The following NAB1 variants were observed in gnomAD, a reference collection of about 807,000 sequenced individuals.
NAB1 encodes NGFI-A-binding protein 1.
A neutral mutation model predicts 49.9 loss-of-function variants in NAB1; 25 were observed. The observed-to-expected ratio is 0.50, with a 90% CI of 0.37 to 0.70. The LOEUF (loss-of-function observed/expected upper bound fraction) is 0.70, where lower values mean the gene tolerates loss of function less well. NAB1 is among the 30% of genes least tolerant of loss of function. The pLI, the probability that NAB1 is intolerant of heterozygous loss-of-function variation, is 0.00. For synonymous variants in NAB1, 198 were observed against 215.6 expected (o/e 0.92, Z 0.71); for missense variants, 489 against 575.9 (o/e 0.85, Z 1.54).
rs1695533213 is a variant in NAB1 at position 190,684,983 on chromosome 2, T to G, written c.1096-493T>G. ...CATAATTTACATTGTTTAATTTTAG[T>G]GGGAAGTGTATTTGTCTTGTTCTTC... On this transcript the variant is annotated intron_variant, in intron 7 of 9. Coordinates refer to ENST00000337386, the MANE Select transcript of NAB1 (RefSeq NM_005966.4). The surrounding 1 kb of genome is among the most constrained non-coding windows in gnomAD (Gnocchi z 4.6). Among the ~76,000 whole-genome samples, 1 of 152,216 alleles carries G rather than the reference T, an allele frequency of 6.6e-6. No homozygotes were observed. Among genetic ancestry groups the G allele is most frequent in the Non-Finnish European group, 1.5e-5 (1 of 68,034 alleles).
chr2:190,686,463 C>G lies in NAB1; in HGVS notation c.1259-738C>G, dbSNP rs1026425626. On this transcript the variant is annotated intron_variant, in intron 8 of 9. Transcript: ENST00000337386. This position sits in a 1 kb window ranked among gnomAD's most constrained non-coding sequence, Gnocchi z 5.5. ...TAAAAGGATTCCTAGGTAAGGATAC[C>G]ATCTTAACAAGGATTCTCCAGCCAT... Among the ~76,000 whole-genome samples, 1 of 151,990 alleles carries G rather than the reference C, an allele frequency of 6.6e-6. No homozygotes were observed. The highest frequency in any genetic ancestry group is 1.5e-5 in the Non-Finnish European group (1 of 68,002).
At position 190,679,538 on chromosome 2, in the gene NAB1, T is replaced by C. The variant is rs1275406521; in HGVS notation, c.1006-4200T>C. On this transcript the variant is annotated intron_variant, in intron 6 of 9. Transcript: ENST00000337386. This position sits in a 1 kb window ranked among gnomAD's most constrained non-coding sequence, Gnocchi z 5.3. The stretch of plus-strand genomic sequence containing the variant: ...TTTCAGTATTCTCATGGTTGAATAA[T>C]CCTGACTTTAGTGCCACCAGGTATT... Among the ~76,000 whole-genome samples, 1 of 152,228 alleles carries C rather than the reference T, an allele frequency of 6.6e-6. No individual in the cohort carries two copies. Among genetic ancestry groups the C allele is most frequent in the Non-Finnish European group, 1.5e-5 (1 of 68,040 alleles).
intron 6 of NAB1, among the ~76,000 whole-genome samples, chr2:190,681,851 T>G (rs958047411): frequency 2.6e-5 from 4 of 152,184 alleles, no homozygotes; most frequent in African/African-American, 9.7e-5. Flanking sequence ...GTAAAATATT[T>G]TGTTATTATT....
intron 4 of NAB1, among the ~76,000 whole-genome samples, chr2:190,662,517 C>T (rs1694278714): frequency 1.3e-5 from 2 of 151,634 alleles, no homozygotes; most frequent in South Asian, 2.1e-4. Context: ...TGCTGGTGTT[C>T]GGCAGGTGCC....
At chr2:190,665,584 T>A (rs957641053) in intron 4 of NAB1, among the ~76,000 whole-genome samples, 1 of 152,238 alleles carries the variant, frequency 6.6e-6, no homozygotes, top group African/African-American at 2.4e-5. Flanking sequence ...TTCATATTTC[T>A]TGGAACTTTA....
chr2:190,690,418 G>A lies in NAB1; in HGVS notation c.*85G>A, dbSNP rs1695897337. 4 of 1,065,328 alleles carry A rather than the reference G, an allele frequency of 3.8e-6. No homozygotes were observed. Among genetic ancestry groups the A allele is most frequent in the Admixed American group, 1.8e-5 (1 of 56,066 alleles). The allele number at this position is 1,065,328 out of a possible 1,614,324, so 66.0% of individuals were successfully genotyped here. On this transcript the variant is annotated 3_prime_UTR_variant, in exon 10 of 10. Transcript: ENST00000337386. The stretch of plus-strand genomic sequence containing the variant: ...ATAGAAATAAGCCTTAATAACCAGT[G>A]TTGCCTCATTCAGCTCAAACAGATT...
At chr2:190,662,815 G>T (rs924094487) in intron 4 of NAB1, among the ~76,000 whole-genome samples, 1 of 152,130 alleles carries the variant, frequency 6.6e-6, no homozygotes, top group Non-Finnish European at 1.5e-5. Context: ...AAGATAGGAA[G>T]GAGAAGAGGA....
chr2:190,659,403 T>C lies in NAB1; in HGVS notation c.227T>C (p.Val76Ala), dbSNP rs1177426227. 4 of 1,613,968 alleles carry C rather than the reference T, an allele frequency of 2.5e-6. No individual in the cohort carries two copies. The highest frequency in any genetic ancestry group is 3.4e-6 in the Non-Finnish European group (4 of 1,180,022). ...CTGCAGAAGGCTTTGAGAGACTGGG[T>C]CACAAACCCTGGGCTTTTCAATCAG... Reference protein sequence around the residue: ...RRLQKALRDWVTNPGLFNQPL... With the variant: ...RRLQKALRDWATNPGLFNQPL... The change falls in exon 4 of 10, where the codon GTC (valine) becomes GCC (alanine). Residue 76 changes from valine (V) to alanine (A), a missense_variant. Val to Ala is a moderately conservative substitution (Grantham distance 64). Around this residue, in one of 4 missense-constraint regions of NAB1, gnomAD observed 204 missense variants for 220.9 expected, o/e 0.92. Coordinates refer to ENST00000337386, the MANE Select transcript of NAB1 (RefSeq NM_005966.4). The surrounding 1 kb of genome is among the most constrained non-coding windows in gnomAD (Gnocchi z 6.2).
chr2:190,683,297 ATTTT>A (rs767640681), intron 6 of NAB1, among the ~76,000 whole-genome samples: 14 of 76,132 alleles, frequency 1.8e-4, no homozygotes, highest in Admixed American at 1.1e-3. Flanking sequence ...CTCCCAGCTA[ATTTT>A]TTTTTTTTTT....
Position 190,689,844 on chromosome 2 carries a change from A to G in NAB1, c.1376-401A>G, listed in dbSNP as rs1383652932. Among the ~76,000 whole-genome samples the G allele has an allele frequency of 1.3e-5, 2 of 151,850 alleles. No homozygotes were observed. Among genetic ancestry groups the G allele is most frequent in the African/African-American group, 4.8e-5 (2 of 41,348 alleles). The stretch of plus-strand genomic sequence containing the variant: ...ATCAGCTTCCTTTTATATATTTATC[A>G]TGTTGGATCAAGCATTAAATAAAAA... On this transcript the variant is annotated intron_variant, in intron 9 of 9. Transcript: ENST00000337386. This position sits in a 1 kb window ranked among gnomAD's most constrained non-coding sequence, Gnocchi z 4.3.
rs1695489268 is a variant in NAB1 at position 190,684,040 on chromosome 2, CTTAT to C, written c.1095+219_1095+222del. On this transcript the variant is annotated intron_variant, in intron 7 of 9. Transcript: ENST00000337386. This position sits in a 1 kb window ranked among gnomAD's most constrained non-coding sequence, Gnocchi z 4.6. ...ATGAACGGAATCTGATATGGTGCTA[CTTAT>C]TTATTCTTGTAGTTTTGTAGGAAGT... Among the ~76,000 whole-genome samples, 1 of 152,122 alleles carries C rather than the reference CTTAT, an allele frequency of 6.6e-6. No individual in the cohort carries two copies. The highest frequency in any genetic ancestry group is 2.4e-5 in the African/African-American group (1 of 41,424).
At chr2:190,655,366 A>G (rs1236138020) in intron 2 of NAB1, among the ~76,000 whole-genome samples, 2 of 152,220 alleles carry the variant, frequency 1.3e-5, no homozygotes, top group East Asian at 1.9e-4. Context: ...TCATCTGCCT[A>G]TAGTGATAAT....
Position 190,687,195 on chromosome 2 carries a change from C to T in NAB1, c.1259-6C>T, listed in dbSNP as rs1182086070. 6.5e-7 allele frequency: 1 copy of T among 1,536,374 alleles called. No homozygotes were observed. On this transcript the variant is annotated splice_region_variant and splice_polypyrimidine_tract_variant and intron_variant, in intron 8 of 9. Transcript: ENST00000337386. Reference sequence around the variant, plus strand: ...ATTATGCATATTTCTTTTTTCTTTTCATTAGGAGAAAGACCTTTGAATCTC... The same window carrying T: ...ATTATGCATATTTCTTTTTTCTTTTTATTAGGAGAAAGACCTTTGAATCTC...
chr2:190,683,265 T>G (rs4853727), intron 6 of NAB1, among the ~76,000 whole-genome samples: 60,955 of 148,058 alleles, frequency 0.41, 13,088 homozygotes, highest in East Asian at 0.71. Flanking sequence ...CTAGTAGCTG[T>G]GATTTCTGGC....
rs2125547988 is a variant in NAB1, at chr2:190,652,516, TCA to T, written c.-197+2538_-197+2539del. ...CTAATTTTGGCAAGTAAATTTAACC[TCA>T]CACTGAATATTTTTATTAAAATTTT... On this transcript the variant is annotated intron_variant, in intron 2 of 9. Transcript: ENST00000337386. The surrounding 1 kb of genome is among the most constrained non-coding windows in gnomAD (Gnocchi z 4.2). 6.6e-6 allele frequency among the ~76,000 whole-genome samples: 1 copy of T among 152,310 alleles called. No individual in the cohort carries two copies. The highest frequency in any genetic ancestry group is 2.1e-4 in the South Asian group (1 of 4,832).
rs1242979691 is a variant in NAB1 at position 190,677,427 on chromosome 2, A to G, written c.1005+4275A>G. 2 of 152,242 alleles carry G rather than the reference A, an allele frequency of 1.3e-5. No homozygotes were observed. The highest frequency in any genetic ancestry group is 1.3e-4 in the Admixed American group (2 of 15,288). The allele number at this position is 152,242 out of a possible 1,614,324, so 9.4% of individuals were successfully genotyped here. ...GAAATCTCTAGGGAAACGTTTCTTC[A>G]GCTAGTTAGTAAGTGAGGTTGGAAT... is the stretch of plus-strand genomic sequence containing the variant. On this transcript the variant is annotated intron_variant, in intron 6 of 9. Transcript: ENST00000337386. This position sits in a 1 kb window ranked among gnomAD's most constrained non-coding sequence, Gnocchi z 5.6.
chr2:190,687,120 A>C (rs1695644872), intron 8 of NAB1, 81 bp from the exon 9 acceptor site: 1 of 724,966 alleles, frequency 1.4e-6, no homozygotes, highest in Non-Finnish European at 2.1e-6. Context: ...TTTCCTAAGG[A>C]GTGTTCAGGC....
chr2:190,676,117 A>G lies in NAB1; in HGVS notation c.1005+2965A>G, dbSNP rs998475364. ...GGGGAGAGGGAGAATTTCTGGTATG[A>G]GAAGAGATCAGGGGAGACTATTGGG... On this transcript the variant is annotated intron_variant, in intron 6 of 9. Coordinates refer to ENST00000337386, the MANE Select transcript of NAB1 (RefSeq NM_005966.4). This position sits in a 1 kb window ranked among gnomAD's most constrained non-coding sequence, Gnocchi z 4.6. Among the ~76,000 whole-genome samples the G allele has an allele frequency of 5.3e-5, 8 of 152,130 alleles. No homozygotes were observed. The highest frequency in any genetic ancestry group is 1.9e-4 in the African/African-American group (8 of 41,436).
rs980598811 is a variant in NAB1 at position 190,691,336 on chromosome 2, C to T, written c.*1003C>T. On this transcript the variant is annotated 3_prime_UTR_variant, in exon 10 of 10. Coordinates refer to ENST00000337386, the MANE Select transcript of NAB1 (RefSeq NM_005966.4). This position sits in a 1 kb window ranked among gnomAD's most constrained non-coding sequence, Gnocchi z 4.1. Reference sequence around the variant, plus strand: ...ATGCTTTCACTAGGGAATGTCTTCCCACCCAGCCATCACAAATGTGGACAA... The same window carrying T: ...ATGCTTTCACTAGGGAATGTCTTCCTACCCAGCCATCACAAATGTGGACAA... 8 of 152,282 alleles carry T rather than the reference C, an allele frequency of 5.3e-5. No individual in the cohort carries two copies. Among genetic ancestry groups the T allele is most frequent in the Admixed American group, 6.5e-5 (1 of 15,286 alleles). The allele number at this position is 152,282 out of a possible 1,614,324, so 9.4% of individuals were successfully genotyped here. A position where few individuals can be genotyped will look rare whatever the true frequency, so the allele number is the denominator to read the frequency against.
Sources: allele counts gnomAD v4.1 joint callset (sites outside exome capture counted in the v4.1 genomes callset), GRCh38; gene constraint gnomAD v4.1.1; regional missense constraint gnomAD v4.1.1; non-coding constraint Gnocchi (gnomAD v3.1); transcripts MANE v1.5; gene names NCBI Gene and HGNC (gene_info 2026-07-23, HGNC 2026-07-21).